The following SRXN1 variants were observed in gnomAD, a reference collection of about 807,000 sequenced individuals.
SRXN1 encodes the protein sulfiredoxin-1.
Under a neutral mutation model 11.0 loss-of-function variants are expected in SRXN1, and 11 were observed. The observed-to-expected ratio is 1.00, with a 90% confidence interval of 0.63 to 1.65. SRXN1 has a LOEUF of 1.65. Among genes scored for constraint, SRXN1 ranks in the 40% most tolerant of loss-of-function variants. SRXN1 has a pLI of 0.00. For missense variants in SRXN1, 211 were observed against 194.5 expected, an observed-to-expected ratio of 1.08 and a Z score of -0.50; for synonymous variants, 106 against 92.8, an observed-to-expected ratio of 1.14 and a Z score of -0.82.
rs1176586036 is a variant in SRXN1 at position 653,198 on chromosome 20, C to A, written c.-13G>T. The A allele has an allele frequency of 3.0e-5, 37 of 1,223,682 alleles. No individual in the cohort carries two copies. Among genetic ancestry groups the A allele is most frequent in the Non-Finnish European group, 3.7e-5 (36 of 983,640 alleles). 75.8% of individuals were successfully genotyped at this position (1,223,682 alleles called of 1,614,324 possible). A position where few individuals can be genotyped will look rare whatever the true frequency, so the allele number is the denominator to read the frequency against. On this transcript the variant is annotated 5_prime_UTR_variant, in exon 1 of 2. Coordinates refer to ENST00000381962, the MANE Select transcript of SRXN1 (RefSeq NM_080725.3). The stretch of plus-strand genomic sequence containing the variant: ...CACGCAGCCCCATCGTCGCCGCCGC[C>A]GCGGGACTCGCCGCCTCCCCCCGGC...
At position 653,171 on chromosome 20, in the gene SRXN1, T is replaced by A. The variant is rs11905119; in HGVS notation, c.15A>T (p.Ala5=). The change falls in exon 1 of 2, where the codon GCA becomes GCT. Residue 5 remains alanine, a synonymous_variant. Coordinates refer to ENST00000381962, the MANE Select transcript of SRXN1 (RefSeq NM_080725.3). MGLR[A]GGTLGRAGAG... is the part of the protein sequence containing the mutation. ...CGCCGGCCCTGCCCAGCGTTCCTCCTGCACGCAGCCCCATCGTCGCCGCCG... is the reference window on the plus strand; with the variant it reads ...CGCCGGCCCTGCCCAGCGTTCCTCCAGCACGCAGCCCCATCGTCGCCGCCG... 4.0e-6 allele frequency: 5 copies of A among 1,263,028 alleles called. No individual in the cohort carries two copies. In the African/African-American group the frequency reaches 4.8e-5, roughly 12 times the overall value. 78.2% of individuals were successfully genotyped at this position (1,263,028 alleles called of 1,614,324 possible).
chr20:650,026 G>A (rs768773719), intron 1 of SRXN1, among the ~76,000 whole-genome samples: 4 of 152,210 alleles, frequency 2.6e-5, no homozygotes, highest in African/African-American at 4.8e-5. Flanking sequence ...ACCAGAGCAC[G>A]TTCACTGTGT....
In SRXN1 at chr20:648,806, G is replaced by A; in HGVS notation, c.322C>T (p.Leu108=). 7 of 1,614,234 alleles carry A rather than the reference G, an allele frequency of 4.3e-6. No individual in the cohort carries two copies. The highest frequency in any genetic ancestry group is 5.9e-6 in the Non-Finnish European group (7 of 1,180,036). Residue 108 remains leucine, a synonymous_variant, in exon 2 of 2, where the codon CTG becomes TTG. Transcript: ENST00000381962. ...TTGGCGGGGATGGTCTCTCGCTGCA[G>A]TTGCTGGTAGGCCGCGTAGCGGTGG... The part of the protein sequence containing the change: ...GCHRYAAYQQ[L]QRETIPAKLV...
intron 1 of SRXN1, among the ~76,000 whole-genome samples, chr20:652,014 G>T (rs372306847): frequency 6.6e-6 from 1 of 152,196 alleles, no homozygotes; most frequent in East Asian, 1.9e-4. Flanking sequence ...AAAATAAAAT[G>T]CAACACAAAT....
chr20:647,875 G>A lies in SRXN1; in HGVS notation c.*839C>T, dbSNP rs1983570923. ...ATTCTGCATTTCTCTCTTGGTAATG[G>A]GATCCCAGTTTTATTGCAGGAGGCA... On this transcript the variant is annotated 3_prime_UTR_variant, in exon 2 of 2. Coordinates refer to ENST00000381962, the MANE Select transcript of SRXN1 (RefSeq NM_080725.3). The A allele has an allele frequency of 2.8e-6, 1 of 352,286 alleles. No individual in the cohort carries two copies. Among genetic ancestry groups the A allele is most frequent in the South Asian group, 2.1e-5 (1 of 46,576 alleles). 21.8% of individuals were successfully genotyped at this position (352,286 alleles called of 1,614,324 possible).
In SRXN1 at chr20:648,661, G is replaced by A; in HGVS notation, c.*53C>T. On this transcript the variant is annotated 3_prime_UTR_variant, in exon 2 of 2. Coordinates refer to ENST00000381962, the MANE Select transcript of SRXN1 (RefSeq NM_080725.3). ...TTCTGCATGGCCCAGCCTGCTGGAG[G>A]CCAGGTGTGTCTTCTGGGCTCTTGA... The A allele has an allele frequency of 6.3e-7, 1 of 1,594,390 alleles. No homozygotes were observed.
At position 647,779 on chromosome 20, in the gene SRXN1, A is replaced by C. The variant is rs138977081; in HGVS notation, c.*935T>G. 4 of 342,094 alleles carry C rather than the reference A, an allele frequency of 1.2e-5. No individual in the cohort carries two copies. The highest frequency in any genetic ancestry group is 2.3e-5 in the Non-Finnish European group (4 of 174,888). The allele number at this position is 342,094 out of a possible 1,614,324, so 21.2% of individuals were successfully genotyped here. On this transcript the variant is annotated 3_prime_UTR_variant, in exon 2 of 2. Coordinates refer to ENST00000381962, the MANE Select transcript of SRXN1 (RefSeq NM_080725.3). ...TTGCCAACCCATAGGATTGTGGGAA[A>C]ATACAGGGTTTGTTTCTAGCTGCCA... is the stretch of plus-strand genomic sequence containing the variant.
In SRXN1 at chr20:653,019, A is replaced by G; in HGVS notation, c.167T>C (p.Val56Ala). ...GCTCTGCACCTTGGCGGGGTCCAAC[A>G]CGGACGGCAGCGGCCGGATGAGCAC... Reference protein sequence around the residue: ...LSVLIRPLPSVLDPAKVQSLV... With the variant: ...LSVLIRPLPSALDPAKVQSLV... The change falls in exon 1 of 2, where the codon GTG becomes GCG. Residue 56 changes from valine to alanine, a missense_variant. Val to Ala is a moderately conservative substitution (Grantham distance 64). Transcript: ENST00000381962. The G allele has an allele frequency of 6.4e-7, 1 of 1,572,382 alleles. No homozygotes were observed. The highest frequency in any genetic ancestry group is 2.4e-5 in the East Asian group (1 of 42,160).
Position 647,713 on chromosome 20 carries a change from A to C in SRXN1, c.*1001T>G. 1 of 308,496 alleles carries C rather than the reference A, an allele frequency of 3.2e-6. No individual in the cohort carries two copies. The highest frequency in any genetic ancestry group is 2.2e-5 in the African/African-American group (1 of 46,070). The allele number at this position is 308,496 out of a possible 1,614,324, so 19.1% of individuals were successfully genotyped here. A position where few individuals can be genotyped will look rare whatever the true frequency, so the allele number is the denominator to read the frequency against. On this transcript the variant is annotated 3_prime_UTR_variant, in exon 2 of 2. Coordinates refer to ENST00000381962, the MANE Select transcript of SRXN1 (RefSeq NM_080725.3). ...TGACCTTAGCTCCATGAGGGATCCC[A>C]GGTGTGAGCAGCAGAACTGCCCTGT...
chr20:652,880 A>G, intron 1 of SRXN1, 96 bp downstream of exon 1: 3 of 1,304,634 alleles, frequency 2.3e-6, no homozygotes, highest in Non-Finnish European at 2.9e-6. Context: ...GCCCGGAACC[A>G]GTCCGTCTCG....
At chr20:651,896 G>A (rs1168708216) in intron 1 of SRXN1, among the ~76,000 whole-genome samples, 1 of 152,178 alleles carries the variant, frequency 6.6e-6, no homozygotes. Flanking sequence ...GGGCATGCAT[G>A]GCAGATCCCT....
intron 1 of SRXN1, among the ~76,000 whole-genome samples, 173 bp downstream of exon 1, chr20:652,803 A>T (rs1600466039): frequency 6.6e-6 from 1 of 152,200 alleles, no homozygotes; most frequent in African/African-American, 2.4e-5. Flanking sequence ...TCAAGTGAGG[A>T]AACAGAGGCC....
rs926732849 is a variant in SRXN1 at position 648,043 on chromosome 20, G to A, written c.*671C>T. 6.6e-6 allele frequency: 3 copies of A among 455,884 alleles called. No homozygotes were observed. Among genetic ancestry groups the A allele is most frequent in the African/African-American group, 2.0e-5 (1 of 50,074 alleles). 28.2% of individuals were successfully genotyped at this position (455,884 alleles called of 1,614,324 possible). ...GGCATCTAAGTGAAGATATGCAGAG[G>A]GAGAGAGCAGGAAACAGACTTCTGA... On this transcript the variant is annotated 3_prime_UTR_variant, in exon 2 of 2. Coordinates refer to ENST00000381962, the MANE Select transcript of SRXN1 (RefSeq NM_080725.3).
At chr20:652,175 CTGGGGAAG>C (rs1164106153) in intron 1 of SRXN1, among the ~76,000 whole-genome samples, 1 of 152,046 alleles carries the variant, frequency 6.6e-6, no homozygotes, top group African/African-American at 2.4e-5. Flanking sequence ...CTGTGGTTGT[CTGGGGAAG>C]TGGCTCCAGG....
rs1983573950 is a variant in SRXN1, at chr20:647,942, GC to G, written c.*771del. Reference sequence around the variant, plus strand: ...AGATGGAACACGATTGGTCTATTCAGCCATGACAATTCTGTTCCCTGCTGTC... The same window carrying G: ...AGATGGAACACGATTGGTCTATTCAGCATGACAATTCTGTTCCCTGCTGTC... On this transcript the variant is annotated 3_prime_UTR_variant, in exon 2 of 2. Coordinates refer to ENST00000381962, the MANE Select transcript of SRXN1 (RefSeq NM_080725.3). 1 of 394,498 alleles carries G rather than the reference GC, an allele frequency of 2.5e-6. No individual in the cohort carries two copies. Among genetic ancestry groups the G allele is most frequent in the South Asian group, 1.9e-5 (1 of 53,274 alleles). The allele number at this position is 394,498 out of a possible 1,614,324, so 24.4% of individuals were successfully genotyped here.
chr20:648,985 T>A, intron 1 of SRXN1, 68 bp from the exon 2 acceptor site: 1 of 1,549,216 alleles, frequency 6.5e-7, no homozygotes, highest in Non-Finnish European at 8.8e-7. Context: ...GCAGACTTTG[T>A]CCACTTGTGC....
Position 653,146 on chromosome 20 carries a change from C to T in SRXN1, c.40G>A (p.Ala14Thr). 7.8e-7 allele frequency: 1 copy of T among 1,278,172 alleles called. No homozygotes were observed. The highest frequency in any genetic ancestry group is 9.8e-7 in the Non-Finnish European group (1 of 1,017,764). 79.2% of individuals were successfully genotyped at this position (1,278,172 alleles called of 1,614,324 possible). A position where few individuals can be genotyped will look rare whatever the true frequency, so the allele number is the denominator to read the frequency against. The change falls in exon 1 of 2, where the codon GCG (alanine) becomes ACG (threonine). Residue 14 changes from alanine (A) to threonine (T), a missense_variant. Coordinates refer to ENST00000381962, the MANE Select transcript of SRXN1 (RefSeq NM_080725.3). Reference sequence around the variant, plus strand: ...GGCCCCTCGGGCGCCCCCCGACCCGCGCCGGCCCTGCCCAGCGTTCCTCCT... The same window carrying T: ...GGCCCCTCGGGCGCCCCCCGACCCGTGCCGGCCCTGCCCAGCGTTCCTCCT... The part of the protein sequence containing the change: ...RAGGTLGRAG[A>T]GRGAPEGPGP...
chr20:647,997 T>C lies in SRXN1; in HGVS notation c.*717A>G, dbSNP rs986559296. On this transcript the variant is annotated 3_prime_UTR_variant, in exon 2 of 2. Transcript: ENST00000381962. ...GCTTTGTTTGCAGCTAGAGGTGCAA[T>C]GGTAGCTGGCTCGGGCCAAGGGCAT... The C allele has an allele frequency of 6.3e-5, 28 of 441,188 alleles. No individual in the cohort carries two copies. In the Admixed American group the frequency reaches 6.5e-4, roughly 10 times the overall value. 27.3% of individuals were successfully genotyped at this position (441,188 alleles called of 1,614,324 possible).
rs142840348 is a variant in SRXN1 at position 648,885 on chromosome 20, G to A, written c.243C>T (p.Val81=). 16 of 1,614,080 alleles carry A rather than the reference G, an allele frequency of 9.9e-6. No individual in the cohort carries two copies. Among genetic ancestry groups the A allele is most frequent in the African/African-American group, 2.7e-5 (2 of 74,942 alleles). The change falls in exon 2 of 2, where the codon GTC becomes GTT. Residue 81 remains valine, a synonymous_variant. Coordinates refer to ENST00000381962, the MANE Select transcript of SRXN1 (RefSeq NM_080725.3). ...CTCCCTGGGCCCCTTTGATCCAGAG[G>A]ACATCGATGGGGGGCACGCTGTCTG... ...EDPDSVPPID[V]LWIKGAQGGD... is the part of the protein sequence containing the mutation.
Sources: gnomAD v4.1 joint callset for allele counts (sites outside exome capture counted in the v4.1 genomes callset) on GRCh38, gnomAD v4.1.1 for gene constraint, MANE v1.5 for transcripts, NCBI Gene and HGNC (gene_info 2026-07-23, HGNC 2026-07-21) for gene names.